EGFL6: variants seen among roughly 807,000 people sequenced by gnomAD.
EGFL6 encodes the protein epidermal growth factor-like protein 6.
In EGFL6, 42 loss-of-function variants were observed where a neutral mutation model predicts 43.1. That is an observed-to-expected ratio of 0.98 (90% CI 0.76 to 1.26). The LOEUF (loss-of-function observed/expected upper bound fraction) is 1.26, where lower values mean the gene tolerates loss of function less well. Among genes scored for constraint, EGFL6 ranks in the 50% most tolerant of loss-of-function variants. EGFL6 has a pLI of 0.00. For synonymous variants in EGFL6, 164 were observed against 163.2 expected (o/e 1.01, Z -0.04); for missense variants, 429 against 427.8 (o/e 1.00, Z -0.02).
At position 13,599,937 on chromosome X, in the gene EGFL6, T is replaced by C. The variant is rs770771874; in HGVS notation, c.281-38T>C. On this transcript the variant is annotated intron_variant, in intron 3 of 11. Transcript: ENST00000361306. ...ATTCCCCATCTGGAAGTTTCCTGATTCAGTTCACCTTTCCCTGTTTTCTAA... is the reference window on the plus strand; with the variant it reads ...ATTCCCCATCTGGAAGTTTCCTGATCCAGTTCACCTTTCCCTGTTTTCTAA... The C allele has an allele frequency of 1.4e-5, 17 of 1,199,637 alleles. No homozygotes were observed. The East Asian group carries it at 5.1e-4, about 36-fold the overall frequency.
chrX:13,632,532 C>T (rs1156252243), intron 11 of EGFL6, among the ~76,000 whole-genome samples: 6 of 109,322 alleles, frequency 5.5e-5, no homozygotes, highest in African/African-American at 2.0e-4. Context: ...TCTTGATCTC[C>T]TGACCTCGTG....
At chrX:13,620,274 GGT>G (rs1396281323) in intron 9 of EGFL6, among the ~76,000 whole-genome samples, 1 of 111,222 alleles carries the variant, frequency 9.0e-6, no homozygotes, top group Non-Finnish European at 1.9e-5. Context: ...CCTTTCACTT[GGT>G]ATAAGTATGA....
At chrX:13,628,579 C>T (rs2045793931) in intron 11 of EGFL6, among the ~76,000 whole-genome samples, 1 of 110,826 alleles carries the variant, frequency 9.0e-6, no homozygotes, top group Non-Finnish European at 1.9e-5. Flanking sequence ...TTTGGGAGGC[C>T]GAGACAGGCA....
chrX:13,599,344 C>A (rs972122737), intron 3 of EGFL6, among the ~76,000 whole-genome samples: 2 of 111,324 alleles, frequency 1.8e-5, no homozygotes, highest in Admixed American at 9.6e-5. Flanking sequence ...CTCCCTCACA[C>A]ACCTTCCAGT....
chrX:13,595,498 C>T (rs1013465734), intron 3 of EGFL6, among the ~76,000 whole-genome samples: 2 of 111,574 alleles, frequency 1.8e-5, no homozygotes, highest in Admixed American at 1.9e-4. Flanking sequence ...AAGGCTGTAT[C>T]CTAGTCCCTA....
chrX:13,631,220 C>T (rs767372465), intron 11 of EGFL6, among the ~76,000 whole-genome samples: 3 of 111,560 alleles, frequency 2.7e-5, no homozygotes, highest in Non-Finnish European at 3.8e-5. Flanking sequence ...TAACTTTTGT[C>T]ATCTTTGAAT....
Position 13,603,348 on chromosome X carries a change from G to A in EGFL6, c.432G>A (p.Gln144=), listed in dbSNP as rs754748628. The change falls in exon 5 of 12, where the codon CAG becomes CAA. Residue 144 remains glutamine, a synonymous_variant. Coordinates refer to ENST00000361306, the MANE Select transcript of EGFL6 (RefSeq NM_015507.4). ...NSRTCAMINC[Q]YSCEDTEEGP... ...GGACATGTGCCATGATAAACTGTCA[G>A]TACAGCTGTGAAGACACAGAAGAAG... 1 of 1,209,955 alleles carries A rather than the reference G, an allele frequency of 8.3e-7. No homozygotes were observed. The highest frequency in any genetic ancestry group is 1.8e-5 in the South Asian group (1 of 56,629).
chrX:13,575,711 T>C (rs752116755), intron 1 of EGFL6, among the ~76,000 whole-genome samples: 1 of 112,566 alleles, frequency 8.9e-6, no homozygotes, highest in Non-Finnish European at 1.9e-5. Context: ...TTATTTTCAG[T>C]TGAATGCAAA....
At chrX:13,575,434 G>GAC (rs984250985) in intron 1 of EGFL6, among the ~76,000 whole-genome samples, 1 of 111,522 alleles carries the variant, frequency 9.0e-6, no homozygotes, top group African/African-American at 3.3e-5. Flanking sequence ...TTAGGACACA[G>GAC]ACACACACAC....
At chrX:13,591,438 T>C (rs902645145) in intron 2 of EGFL6, among the ~76,000 whole-genome samples, 11 of 111,814 alleles carry the variant, frequency 9.8e-5, no homozygotes, top group African/African-American at 3.3e-4. Flanking sequence ...GAAGAGACGG[T>C]CAGCACACCT....
intron 7 of EGFL6, among the ~76,000 whole-genome samples, 200 bp downstream of exon 7, chrX:13,608,646 C>T (rs1342686789): frequency 1.8e-5 from 2 of 112,182 alleles, no homozygotes; most frequent in Admixed American, 9.5e-5. Context: ...ATCTCCAATA[C>T]TCACTGAAGT....
At chrX:13,620,290 C>T (rs1481012842) in intron 9 of EGFL6, among the ~76,000 whole-genome samples, 3 of 111,263 alleles carry the variant, frequency 2.7e-5, no homozygotes, top group African/African-American at 9.8e-5. Context: ...AGTATGAATG[C>T]CTTGATCATC....
At position 13,623,860 on chromosome X, in the gene EGFL6, G is replaced by A; in HGVS notation, c.1220G>A (p.Gly407Glu). 3 of 1,209,062 alleles carry A rather than the reference G, an allele frequency of 2.5e-6. No homozygotes were observed. The highest frequency in any genetic ancestry group is 3.4e-6 in the Non-Finnish European group (3 of 893,492). Residue 407 changes from glycine to glutamate, a missense_variant, in exon 10 of 12, where the codon GGG becomes GAG. Physicochemically the swap from Gly to Glu is moderately conservative, Grantham distance 98 (BLOSUM62 -2). Transcript: ENST00000361306. ...TCGGTTGACTGCAGCTTCAATCATG[G>A]GATCTGTGACTGGAAACAGGATAGA... Reference protein sequence around the residue: ...NISVDCSFNHGICDWKQDRED... With the variant: ...NISVDCSFNHEICDWKQDRED...
chrX:13,612,705 C>G (rs954828793), intron 7 of EGFL6, among the ~76,000 whole-genome samples: 1 of 110,819 alleles, frequency 9.0e-6, no homozygotes, highest in Non-Finnish European at 1.9e-5. Context: ...GGGTGGCTAG[C>G]CGGGCCAAAA....
At chrX:13,598,493 C>T (rs1016300869) in intron 3 of EGFL6, among the ~76,000 whole-genome samples, 2 of 110,920 alleles carry the variant, frequency 1.8e-5, no homozygotes, top group Non-Finnish European at 3.8e-5. Context: ...ACAGATAATC[C>T]TTTTTAAAGT....
Position 13,587,682 on chromosome X carries a change from C to T in EGFL6, c.75-1874C>T, listed in dbSNP as rs145650179. On this transcript the variant is annotated intron_variant, in intron 1 of 11. Coordinates refer to ENST00000361306, the MANE Select transcript of EGFL6 (RefSeq NM_015507.4). ...TATACAAATTAGATTAGACACATGG[C>T]TGCATTATTTCTCAGTCAAAACTCT... Among the ~76,000 whole-genome samples, 1,036 of 111,836 alleles carry T rather than the reference C, an allele frequency of 9.3e-3. 11 individuals carry two copies. The highest frequency in any genetic ancestry group is 0.032 in the African/African-American group (988 of 30,786).
chrX:13,569,824 AG>A lies in EGFL6; in HGVS notation c.-32del, dbSNP rs761692115. On this transcript the variant is annotated 5_prime_UTR_variant, in exon 1 of 12. Coordinates refer to ENST00000361306, the MANE Select transcript of EGFL6 (RefSeq NM_015507.4). Reference sequence around the variant, plus strand: ...ACGGGGTCCGGCCGGCGCCCTCCCGAGGGGGGCTCAGGAGGAGGAAGGAGGA... The same window carrying A: ...ACGGGGTCCGGCCGGCGCCCTCCCGAGGGGGCTCAGGAGGAGGAAGGAGGA... 4.3e-5 allele frequency: 52 copies of A among 1,198,796 alleles called. No individual in the cohort carries two copies. The highest frequency in any genetic ancestry group is 1.3e-4 in the Admixed American group (6 of 45,892).
rs1440945897 is a variant in EGFL6, at chrX:13,594,952, T to G, written c.280+24T>G. 3.5e-6 allele frequency: 4 copies of G among 1,132,672 alleles called. No individual in the cohort carries two copies. The Admixed American group carries it at 8.9e-5, about 25-fold the overall frequency. The allele number at this position is 1,132,672 out of a possible 1,213,427, so 93.3% of individuals were successfully genotyped here. A position where few individuals can be genotyped will look rare whatever the true frequency, so the allele number is the denominator to read the frequency against. On this transcript the variant is annotated intron_variant, in intron 3 of 11. Transcript: ENST00000361306. ...AGGTCAGTAAGGTAGCCCAGGGTCATAGTTCAAATTCAATCATTGCAGCAG... is the reference window on the plus strand; with the variant it reads ...AGGTCAGTAAGGTAGCCCAGGGTCAGAGTTCAAATTCAATCATTGCAGCAG...
chrX:13,584,206 G>A, intron 1 of EGFL6, among the ~76,000 whole-genome samples: 1 of 111,609 alleles, frequency 9.0e-6, no homozygotes, highest in East Asian at 2.8e-4. Flanking sequence ...TCAAACCCAG[G>A]AAGGAGACCA....
Sources: gnomAD v4.1 joint callset for allele counts (sites outside exome capture counted in the v4.1 genomes callset) on GRCh38, gnomAD v4.1.1 for gene constraint, MANE v1.5 for transcripts, NCBI Gene and HGNC (gene_info 2026-07-23, HGNC 2026-07-21) for gene names.